The following KIF26B variants were observed in gnomAD, a reference collection of about 807,000 sequenced individuals.
The protein encoded by KIF26B is kinesin family member 26B, also known as kinesin-like protein KIF26B.
A neutral mutation model predicts 151.2 loss-of-function variants in KIF26B; 63 were observed. The ratio of observed to expected loss-of-function variants is 0.42; its 90% confidence interval spans 0.34 to 0.51. The LOEUF (loss-of-function observed/expected upper bound fraction) is 0.51, where lower values mean the gene tolerates loss of function less well. Among genes scored for constraint, KIF26B ranks in the 20% least tolerant of loss-of-function variants. The pLI is 0.07. For missense variants in KIF26B, 2,813 were observed against 2,913.6 expected (o/e 0.97, Z 0.79); for synonymous variants, 1,357 against 1,262.1 (o/e 1.08, Z -1.59).
intron 5 of KIF26B, among the ~76,000 whole-genome samples, chr1:245,585,040 A>G (rs1293139225): frequency 2.0e-5 from 3 of 152,176 alleles, no homozygotes; most frequent in Non-Finnish European, 2.9e-5. Flanking sequence ...AGATTCCACA[A>G]GGATTTGGCC....
rs1553299289 is a variant in KIF26B, at chr1:245,640,122, G to GCTCGCTCTCTCTCTCT, written c.2099-5996_2099-5995insGCTCTCTCTCTCTCTC. Among the ~76,000 whole-genome samples the GCTCGCTCTCTCTCTCT allele has an allele frequency of 2.2e-3, 119 of 53,962 alleles. 13 individuals carry two copies. Among genetic ancestry groups the GCTCGCTCTCTCTCTCT allele is most frequent in the African/African-American group, 3.2e-3 (43 of 13,306 alleles). The allele number at this position is 53,962 out of a possible 152,430, so 35.4% of individuals were successfully genotyped here. ...CTCCTGTTTAGATCTACTAATATTT[G>GCTCGCTCTCTCTCTCT]CTCTCTCTCTCTCTCTCTCTCTATA... is the stretch of plus-strand genomic sequence containing the variant. On this transcript the variant is annotated intron_variant, in intron 9 of 14. Coordinates refer to ENST00000407071, the MANE Select transcript of KIF26B (RefSeq NM_018012.4).
rs1668633771 is a variant in KIF26B at position 245,167,464 on chromosome 1, T to C, written c.465+10781T>C. Among the ~76,000 whole-genome samples, 1 of 152,192 alleles carries C rather than the reference T, an allele frequency of 6.6e-6. No individual in the cohort carries two copies. The highest frequency in any genetic ancestry group is 1.5e-5 in the Non-Finnish European group (1 of 68,044). ...CATCGTATTTAGAGTGGTTGCTTTC[T>C]TTGGGGTTATAATCACTACTTCCCA... On this transcript the variant is annotated intron_variant, in intron 2 of 14. Transcript: ENST00000407071. This position sits in a 1 kb window ranked among gnomAD's most constrained non-coding sequence, Gnocchi z 4.2.
intron 2 of KIF26B, among the ~76,000 whole-genome samples, chr1:245,222,532 T>G (rs966613372): frequency 6.6e-6 from 1 of 152,000 alleles, no homozygotes; most frequent in Non-Finnish European, 1.5e-5. Flanking sequence ...TAGAAGAAAA[T>G]ATAGGTGAAT....
intron 4 of KIF26B, among the ~76,000 whole-genome samples, chr1:245,494,305 T>TCAAG (rs1660467312): frequency 1.3e-5 from 2 of 151,188 alleles, no homozygotes; most frequent in Admixed American, 1.3e-4. Context: ...AAACTCTGTC[T>TCAAG]CAAACAAACA....
chr1:245,387,424 A>G (rs1572036566), intron 3 of KIF26B, among the ~76,000 whole-genome samples: 3 of 152,142 alleles, frequency 2.0e-5, no homozygotes, highest in African/African-American at 7.2e-5. Flanking sequence ...TTGGCCTCCC[A>G]AAGTCCTGGG....
intron 3 of KIF26B, among the ~76,000 whole-genome samples, chr1:245,410,145 T>A (rs762653822): frequency 2.9e-4 from 44 of 152,210 alleles, no homozygotes; most frequent in Non-Finnish European, 5.9e-4. Context: ...CTCCTCCCTC[T>A]TCTCCGAGCT....
At chr1:245,557,815 G>A (rs1662074789) in intron 5 of KIF26B, among the ~76,000 whole-genome samples, 1 of 152,176 alleles carries the variant, frequency 6.6e-6, no homozygotes, top group Admixed American at 6.5e-5. Flanking sequence ...CAATCTCAGG[G>A]CATGTCCCTC....
rs112547089 is a variant in KIF26B, at chr1:245,327,969, A to G, written c.466-38865A>G. ...AGAATGTCTTTATCCTAGACATGCC[A>G]ATCCACACTTAGCCAGTGTGAAGGG... On this transcript the variant is annotated intron_variant, in intron 2 of 14. Transcript: ENST00000407071. Among the ~76,000 whole-genome samples the G allele has an allele frequency of 3.1e-3, 476 of 152,292 alleles. 5 individuals are homozygous for G. Among genetic ancestry groups the G allele is most frequent in the African/African-American group, 0.011 (459 of 41,564 alleles).
Position 245,702,739 on chromosome 1 carries a change from G to C in KIF26B, c.*133G>C. On this transcript the variant is annotated 3_prime_UTR_variant, in exon 15 of 15. Transcript: ENST00000407071. This position sits in a 1 kb window ranked among gnomAD's most constrained non-coding sequence, Gnocchi z 4.1. The stretch of plus-strand genomic sequence containing the variant: ...AAGGTTGGTGGCAAGTCTGGAGCGG[G>C]CGTTGAGCGGAAGGCGAGTTTTCTT... 1 of 1,013,700 alleles carries C rather than the reference G, an allele frequency of 9.9e-7. No individual in the cohort carries two copies. The highest frequency in any genetic ancestry group is 1.4e-6 in the Non-Finnish European group (1 of 714,114). The allele number at this position is 1,013,700 out of a possible 1,614,324, so 62.8% of individuals were successfully genotyped here.
rs1304549725 is a variant in KIF26B, at chr1:245,703,423, TGAGGAGACGGCACCTGCAGCACAGGG to T, written c.*824_*849del. 1 of 152,038 alleles carries T rather than the reference TGAGGAGACGGCACCTGCAGCACAGGG, an allele frequency of 6.6e-6. No individual in the cohort carries two copies. The highest frequency in any genetic ancestry group is 1.9e-4 in the East Asian group (1 of 5,166). The allele number at this position is 152,038 out of a possible 1,614,324, so 9.4% of individuals were successfully genotyped here. A position where few individuals can be genotyped will look rare whatever the true frequency, so the allele number is the denominator to read the frequency against. ...TGGGGCAGGTGCTTTAGAGAACAGG[TGAGGAGACGGCACCTGCAGCACAGGG>T]GAGGAGGAGTCCTTTGCGACCTGGG... On this transcript the variant is annotated 3_prime_UTR_variant, in exon 15 of 15. Transcript: ENST00000407071.
intron 4 of KIF26B, among the ~76,000 whole-genome samples, chr1:245,494,833 A>G (rs1321056478): frequency 1.3e-5 from 2 of 152,096 alleles, no homozygotes; most frequent in African/African-American, 2.4e-5. Context: ...TGATCCCAGG[A>G]GTCCAAGACC....
At position 245,698,847 on chromosome 1, in the gene KIF26B, T is replaced by G. The variant is rs145587717; in HGVS notation, c.6028-40T>G. On this transcript the variant is annotated intron_variant, in intron 13 of 14. Transcript: ENST00000407071. The surrounding 1 kb of genome is among the most constrained non-coding windows in gnomAD (Gnocchi z 4.0). ...GTGCTCCTGTGGTGTGGGCTGGGTG[T>G]GAGCAGAAGGGCCCTTTCTCCTCTC... is the stretch of plus-strand genomic sequence containing the variant. The G allele has an allele frequency of 2.5e-6, 4 of 1,596,220 alleles. No individual in the cohort carries two copies. Among genetic ancestry groups the G allele is most frequent in the Middle Eastern group, 1.7e-4 (1 of 5,964 alleles).
chr1:245,475,645 G>T (rs536769678), intron 4 of KIF26B, among the ~76,000 whole-genome samples: 1 of 151,954 alleles, frequency 6.6e-6, no homozygotes, highest in South Asian at 2.1e-4. Flanking sequence ...ACGAAAAGAT[G>T]CTTAACATCA....
intron 2 of KIF26B, among the ~76,000 whole-genome samples, chr1:245,200,531 T>C (rs1403992188): frequency 1.3e-5 from 2 of 152,218 alleles, no homozygotes; most frequent in East Asian, 1.9e-4. Context: ...ACATGTATAC[T>C]CATAAATTTC....
At chr1:245,568,212 A>G (rs1012349576) in intron 5 of KIF26B, among the ~76,000 whole-genome samples, 1 of 148,362 alleles carries the variant, frequency 6.7e-6, no homozygotes, top group South Asian at 2.2e-4. Flanking sequence ...AAAAAAAAAA[A>G]AAGAAGCTCT....
At chr1:245,504,441 C>CTT (rs145517353) in intron 4 of KIF26B, among the ~76,000 whole-genome samples, 14 of 134,478 alleles carry the variant, frequency 1.0e-4, no homozygotes, top group South Asian at 5.0e-4. Flanking sequence ...CTTTCTTTTT[C>CTT]TTTTTTTTTG....
chr1:245,293,536 G>A (rs891565371), intron 2 of KIF26B, among the ~76,000 whole-genome samples: 1 of 151,824 alleles, frequency 6.6e-6, no homozygotes, highest in Non-Finnish European at 1.5e-5. Context: ...GAGATTCTTG[G>A]GCAAAAGCCT....
rs567869384 is a variant in KIF26B, at chr1:245,244,361, G to A, written c.465+87678G>A. On this transcript the variant is annotated intron_variant, in intron 2 of 14. Coordinates refer to ENST00000407071, the MANE Select transcript of KIF26B (RefSeq NM_018012.4). The surrounding 1 kb of genome is among the most constrained non-coding windows in gnomAD (Gnocchi z 4.2). ...CAAGATACGTCAGAGTCTCTTCTTGGGAAATATGGAATGACGTCTTGCATA... is the reference window on the plus strand; with the variant it reads ...CAAGATACGTCAGAGTCTCTTCTTGAGAAATATGGAATGACGTCTTGCATA... Among the ~76,000 whole-genome samples, 1 of 152,134 alleles carries A rather than the reference G, an allele frequency of 6.6e-6. No homozygotes were observed. Among genetic ancestry groups the A allele is most frequent in the East Asian group, 1.9e-4 (1 of 5,180 alleles).
chr1:245,687,389 C>G lies in KIF26B; in HGVS notation c.4406C>G (p.Pro1469Arg). 6.3e-7 allele frequency: 1 copy of G among 1,587,866 alleles called. No individual in the cohort carries two copies. The highest frequency in any genetic ancestry group is 1.1e-5 in the South Asian group (1 of 86,984). ...GMMRCETATG[P>R]SNAETRAEQE... ...ATGAGGTGTGAGACTGCCACGGGCC[C>G]CTCGAATGCTGAGACCAGAGCAGAG... is the stretch of plus-strand genomic sequence containing the variant. Residue 1469 changes from proline (P) to arginine (R), a missense_variant, in exon 12 of 15, where the codon CCC becomes CGC. By Grantham distance (103) the Pro-to-Arg change is moderately radical (BLOSUM62 -2). Coordinates refer to ENST00000407071, the MANE Select transcript of KIF26B (RefSeq NM_018012.4). The surrounding 1 kb of genome is among the most constrained non-coding windows in gnomAD (Gnocchi z 4.9).
Sources: allele counts gnomAD v4.1 joint callset (sites outside exome capture counted in the v4.1 genomes callset), GRCh38; gene constraint gnomAD v4.1.1; non-coding constraint Gnocchi (gnomAD v3.1); transcripts MANE v1.5; gene names NCBI Gene and HGNC (gene_info 2026-07-23, HGNC 2026-07-21).